MTUS2: variants seen among roughly 807,000 people sequenced by gnomAD.
MTUS2 encodes the protein microtubule-associated tumor suppressor candidate 2.
MTUS2 carries 40 observed loss-of-function variants against 114.1 expected under a neutral mutation model. The observed-to-expected ratio is 0.35, with a 90% CI of 0.27 to 0.46. MTUS2 has a LOEUF of 0.46. MTUS2 is among the 20% of genes least tolerant of loss of function. The probability of loss-of-function intolerance (pLI) is 1.00; values close to 1 mark genes in which losing one functional copy is unlikely to be tolerated. For synonymous variants in MTUS2, 688 were observed against 672.0 expected (o/e 1.02, Z -0.37); for missense variants, 1,679 against 1,705.4 (o/e 0.98, Z 0.27).
intron 4 of MTUS2, among the ~76,000 whole-genome samples, chr13:29,062,682 T>C (rs1300922854): frequency 6.6e-6 from 1 of 152,160 alleles, no homozygotes; most frequent in East Asian, 1.9e-4. Flanking sequence ...TCGGGAATAA[T>C]TTCTGGTGTT....
chr13:28,852,520 G>A (rs1593246441), intron 2 of MTUS2, among the ~76,000 whole-genome samples: 1 of 152,182 alleles, frequency 6.6e-6, no homozygotes, highest in East Asian at 1.9e-4. Context: ...ATTTTGAGAG[G>A]CTAAAAATAT....
At chr13:29,319,608 C>T (rs1050402858) in intron 6 of MTUS2, among the ~76,000 whole-genome samples, 20 of 152,176 alleles carry the variant, frequency 1.3e-4, no homozygotes, top group African/African-American at 4.6e-4. Context: ...GTGCAGAGCT[C>T]TGATCCAGCA....
At chr13:29,486,939 A>G (rs747009297) in intron 10 of MTUS2, among the ~76,000 whole-genome samples, 14 of 152,232 alleles carry the variant, frequency 9.2e-5, no homozygotes, top group Non-Finnish European at 1.9e-4. Context: ...TTGAAGTTAA[A>G]ACAACAGCCA....
At chr13:29,455,066 A>G (rs1200453997) in intron 9 of MTUS2, among the ~76,000 whole-genome samples, 2 of 152,210 alleles carry the variant, frequency 1.3e-5, no homozygotes, top group Non-Finnish European at 2.9e-5. Context: ...CTACTCACCA[A>G]ACCTGGGCGT....
chr13:29,050,614 T>C (rs1166600055), intron 4 of MTUS2, among the ~76,000 whole-genome samples: 1 of 152,194 alleles, frequency 6.6e-6, no homozygotes, highest in East Asian at 1.9e-4. Context: ...CACACCCAGC[T>C]TCACCACCAG....
At chr13:29,105,454 G>T (rs915373585) in intron 5 of MTUS2, among the ~76,000 whole-genome samples, 3 of 152,144 alleles carry the variant, frequency 2.0e-5, no homozygotes, top group African/African-American at 2.4e-5. Context: ...TTTACTGGGT[G>T]CCCAAGAAAC....
intron 4 of MTUS2, among the ~76,000 whole-genome samples, chr13:29,062,329 A>G (rs1888459838): frequency 1.3e-5 from 2 of 152,204 alleles, no homozygotes; most frequent in Admixed American, 6.5e-5. Context: ...TTGTATGTGT[A>G]TGTTTAACAG....
intron 6 of MTUS2, among the ~76,000 whole-genome samples, chr13:29,311,765 A>T (rs1171350016): frequency 6.6e-6 from 1 of 152,198 alleles, no homozygotes; most frequent in Non-Finnish European, 1.5e-5. Flanking sequence ...CTTCAATCAC[A>T]AAGTTTCCCA....
At chr13:29,092,084 G>A (rs1188748164) in intron 4 of MTUS2, among the ~76,000 whole-genome samples, 5 of 152,192 alleles carry the variant, frequency 3.3e-5, no homozygotes, top group African/African-American at 1.2e-4. Context: ...GCAGCAGGAG[G>A]CAGTCAAATG....
At chr13:29,031,673 T>C (rs1309354504) in intron 3 of MTUS2, among the ~76,000 whole-genome samples, 1 of 151,920 alleles carries the variant, frequency 6.6e-6, no homozygotes, top group East Asian at 1.9e-4. Flanking sequence ...TTATTCAAGG[T>C]CTGCTGATTT....
chr13:29,083,452 A>G (rs765747031), intron 4 of MTUS2, among the ~76,000 whole-genome samples: 4 of 152,172 alleles, frequency 2.6e-5, no homozygotes, highest in Non-Finnish European at 5.9e-5. Flanking sequence ...ATTCCTTTAG[A>G]GGTAAAGGAA....
At position 29,504,297 on chromosome 13, in the gene MTUS2, C is replaced by T; in HGVS notation, c.*1091C>T. ...AACTCTTTGAAATAGGACCCTCAGGCCCCCATTTCCTAGCAGCCCCCCTTC... is the reference window on the plus strand; with the variant it reads ...AACTCTTTGAAATAGGACCCTCAGGTCCCCATTTCCTAGCAGCCCCCCTTC... On this transcript the variant is annotated 3_prime_UTR_variant, in exon 16 of 16. Transcript: ENST00000612955. 1 of 232,200 alleles carries T rather than the reference C, an allele frequency of 4.3e-6. No individual in the cohort carries two copies. Among genetic ancestry groups the T allele is most frequent in the African/African-American group, 2.2e-5 (1 of 45,326 alleles). 14.4% of individuals were successfully genotyped at this position (232,200 alleles called of 1,614,324 possible).
At chr13:29,396,926 C>T (rs375430792) in intron 8 of MTUS2, among the ~76,000 whole-genome samples, 2 of 152,320 alleles carry the variant, frequency 1.3e-5, no homozygotes, top group East Asian at 3.9e-4. Context: ...CAGTCTTTCT[C>T]TTTGCCTGTG....
intron 4 of MTUS2, among the ~76,000 whole-genome samples, chr13:29,083,522 A>G (rs1195633730): frequency 6.6e-6 from 1 of 152,210 alleles, no homozygotes; most frequent in South Asian, 2.1e-4. Context: ...CCAAATCTAT[A>G]ATAGCAAAAT....
chr13:28,869,769 CCAAAA>C (rs374164874), intron 2 of MTUS2, among the ~76,000 whole-genome samples: 4 of 151,806 alleles, frequency 2.6e-5, no homozygotes, highest in African/African-American at 9.7e-5. Flanking sequence ...GACTCTGTCT[CCAAAA>C]CAAAACAAAA....
chr13:29,325,623 A>G (rs574203545), intron 7 of MTUS2, among the ~76,000 whole-genome samples: 1 of 152,236 alleles, frequency 6.6e-6, no homozygotes, highest in African/African-American at 2.4e-5. Context: ...TAAGACATTC[A>G]TGCCATTGTA....
At chr13:29,433,492 G>A (rs964711308) in intron 8 of MTUS2, among the ~76,000 whole-genome samples, 2 of 152,118 alleles carry the variant, frequency 1.3e-5, no homozygotes, top group Admixed American at 6.5e-5. Flanking sequence ...TTAACTCAAG[G>A]CATGCTATCA....
At chr13:29,047,556 C>T (rs1291842026) in intron 4 of MTUS2, among the ~76,000 whole-genome samples, 7 of 147,234 alleles carry the variant, frequency 4.8e-5, no homozygotes, top group African/African-American at 1.8e-4. Context: ...CTGTGTCGCT[C>T]AGGCTGGAGT....
At chr13:28,845,905 A>G (rs568119651) in intron 2 of MTUS2, among the ~76,000 whole-genome samples, 13 of 151,974 alleles carry the variant, frequency 8.6e-5, no homozygotes, top group African/African-American at 3.1e-4. Flanking sequence ...AGCACTCAAT[A>G]ATATAACAGT....
Sources: allele counts gnomAD v4.1 joint callset (sites outside exome capture counted in the v4.1 genomes callset), GRCh38; gene constraint gnomAD v4.1.1; transcripts MANE v1.5; gene names NCBI Gene and HGNC (gene_info 2026-07-23, HGNC 2026-07-21).